Variants in RETREG3 observed in about 807,000 individuals in gnomAD.
RETREG3 encodes the protein reticulophagy regulator 3.
A neutral mutation model predicts 50.2 loss-of-function variants in RETREG3; 23 were observed. The observed-to-expected ratio is 0.46, with a 90% CI of 0.33 to 0.65. The LOEUF is 0.65. RETREG3 is among the 30% of genes least tolerant of loss of function. RETREG3 has a pLI of 0.02. For missense variants in RETREG3, 546 were observed against 598.0 expected (o/e 0.91, Z 0.91); for synonymous variants, 240 against 234.4 (o/e 1.02, Z -0.22).
chr17:42,589,633 C>T (rs371774437), intron 2 of RETREG3, among the ~76,000 whole-genome samples: 2 of 152,200 alleles, frequency 1.3e-5, no homozygotes, highest in African/African-American at 4.8e-5. Context: ...AAGGTTTCGC[C>T]ACGTTGTCCA....
At chr17:42,599,295 C>G (rs2093154100) in intron 1 of RETREG3, 2 of 152,134 alleles carry the variant, frequency 1.3e-5, no homozygotes, top group Admixed American at 6.6e-5. Flanking sequence ...TTCTGTTAAA[C>G]TGCTTTTATT....
Position 42,581,796 on chromosome 17 carries a change from CA to C in RETREG3, c.*16del. On this transcript the variant is annotated 3_prime_UTR_variant, in exon 9 of 9. Transcript: ENST00000309428. Reference sequence around the variant, plus strand: ...AAAAAACCTAAACCACAGTGACTCCCAAAAGGAGTCTCTGCCTCAGTGGCTC... The same window carrying C: ...AAAAAACCTAAACCACAGTGACTCCCAAAGGAGTCTCTGCCTCAGTGGCTC... 1.3e-6 allele frequency: 2 copies of C among 1,544,552 alleles called. No homozygotes were observed. Among genetic ancestry groups the C allele is most frequent in the Non-Finnish European group, 1.7e-6 (2 of 1,145,876 alleles).
chr17:42,601,490 G>A (rs1469512390), intron 1 of RETREG3, among the ~76,000 whole-genome samples: 4 of 136,084 alleles, frequency 2.9e-5, no homozygotes, highest in Admixed American at 7.3e-5. Flanking sequence ...GGAGAATGGC[G>A]TGAACCTGAG....
At chr17:42,595,136 T>C (rs990044651) in intron 1 of RETREG3, among the ~76,000 whole-genome samples, 1 of 151,090 alleles carries the variant, frequency 6.6e-6, no homozygotes, top group African/African-American at 2.4e-5. Context: ...CAGCTAATTT[T>C]TTTTGTATTT....
intron 1 of RETREG3, among the ~76,000 whole-genome samples, chr17:42,597,763 T>G (rs1189058424): frequency 6.7e-6 from 1 of 148,600 alleles, no homozygotes; most frequent in Non-Finnish European, 1.5e-5. Flanking sequence ...CCTGAGTAGC[T>G]GGGGTTAAGG....
chr17:42,594,721 G>C (rs192464560), intron 1 of RETREG3, among the ~76,000 whole-genome samples: 2,390 of 141,918 alleles, frequency 0.017, 68 homozygotes, highest in African/African-American at 0.059. Flanking sequence ...CATGGTGGCA[G>C]GTGCCTGTAG....
chr17:42,582,596 C>A (rs557935880), intron 8 of RETREG3, 78 bp downstream of exon 8: 3 of 1,573,436 alleles, frequency 1.9e-6, no homozygotes, highest in Admixed American at 1.7e-5. Flanking sequence ...GGGGCAAGCA[C>A]CAGTATCCCC....
Position 42,581,446 on chromosome 17 carries a change from G to A in RETREG3, c.*367C>T, listed in dbSNP as rs906603685. Reference sequence around the variant, plus strand: ...TCTAGAGAGGCGATGAAAGGAGGAAGGCAGGCATGGGCTCTTTCAGTGAGG... The same window carrying A: ...TCTAGAGAGGCGATGAAAGGAGGAAAGCAGGCATGGGCTCTTTCAGTGAGG... On this transcript the variant is annotated 3_prime_UTR_variant, in exon 9 of 9. Coordinates refer to ENST00000309428, the MANE Select transcript of RETREG3 (RefSeq NM_178126.4). 1.6e-5 allele frequency: 3 copies of A among 187,374 alleles called. No homozygotes were observed. The highest frequency in any genetic ancestry group is 3.3e-5 in the Non-Finnish European group (3 of 91,448). 11.6% of individuals were successfully genotyped at this position (187,374 alleles called of 1,614,324 possible). A position where few individuals can be genotyped will look rare whatever the true frequency, so the allele number is the denominator to read the frequency against.
At position 42,582,617 on chromosome 17, in the gene RETREG3, G is replaced by A; in HGVS notation, c.943+57C>T. On this transcript the variant is annotated intron_variant, in intron 8 of 8. Transcript: ENST00000309428. The stretch of plus-strand genomic sequence containing the variant: ...AGCACCAGTATCCCCTCTGTTCAGG[G>A]AAGCTAAGAGGCAACAGTCAGAGCC... 4 of 1,607,558 alleles carry A rather than the reference G, an allele frequency of 2.5e-6. No individual in the cohort carries two copies. In the South Asian group the frequency reaches 3.3e-5, roughly 13 times the overall value.
chr17:42,603,902 G>A (rs1026638764), intron 1 of RETREG3, among the ~76,000 whole-genome samples: 4 of 151,980 alleles, frequency 2.6e-5, no homozygotes, highest in Non-Finnish European at 5.9e-5. Context: ...GCGTGAACCC[G>A]GGAGGTGGAG....
chr17:42,609,117 G>C lies in RETREG3; in HGVS notation c.208C>G (p.Leu70Val), dbSNP rs753477926. The change falls in exon 1 of 9, where the codon CTG (leucine) becomes GTG (valine). Residue 70 changes from leucine to valine, a missense_variant. Transcript: ENST00000309428. ...GCCGCGTTCAGCCCCAGGCACCACA[G>C]AGCGCTCCTAGCTGGCCGCTCCCAC... ...LVWERPARSA[L>V]WCLGLNAAFW... 59 of 1,608,350 alleles carry C rather than the reference G, an allele frequency of 3.7e-5. 1 individual carries two copies. The South Asian group carries it at 6.2e-4, about 17-fold the overall frequency.
chr17:42,594,255 T>C lies in RETREG3; in HGVS notation c.240-2093A>G, dbSNP rs554913541. Among the ~76,000 whole-genome samples the C allele has an allele frequency of 2.0e-5, 3 of 152,220 alleles. No individual in the cohort carries two copies. The East Asian group carries it at 5.8e-4, about 30-fold the overall frequency. ...AGATTAGAACAGAATATAAATAGCATTTCACAGTATTCCGAAAAGACTAGG... is the reference window on the plus strand; with the variant it reads ...AGATTAGAACAGAATATAAATAGCACTTCACAGTATTCCGAAAAGACTAGG... On this transcript the variant is annotated intron_variant, in intron 1 of 8. Transcript: ENST00000309428.
At chr17:42,585,089 T>C (rs747083289) in intron 6 of RETREG3, 36 bp downstream of exon 6, 11 of 1,602,376 alleles carry the variant, frequency 6.9e-6, no homozygotes, top group Admixed American at 1.7e-5. Flanking sequence ...TCGCCCCAAA[T>C]TGCGTAAGTG....
chr17:42,596,963 C>A (rs1567924990), intron 1 of RETREG3, among the ~76,000 whole-genome samples: 1 of 151,078 alleles, frequency 6.6e-6, no homozygotes, highest in Non-Finnish European at 1.5e-5. Flanking sequence ...ACCTCTGCCT[C>A]CTGGGTTCAA....
intron 1 of RETREG3, 123 bp from the exon 2 acceptor site, chr17:42,592,285 C>G (rs771507376): frequency 1.3e-5 from 9 of 690,642 alleles, no homozygotes; most frequent in Non-Finnish European, 1.9e-5. Flanking sequence ...TTTGTTCTGA[C>G]ACTTAACTAG....
At chr17:42,601,628 C>CTTT (rs750926453) in intron 1 of RETREG3, among the ~76,000 whole-genome samples, 43 of 79,804 alleles carry the variant, frequency 5.4e-4, no homozygotes, top group East Asian at 1.3e-3. Flanking sequence ...AAGGTTCCAA[C>CTTT]TTTTTTTTTT....
At chr17:42,583,641 C>CTTT (rs2093114911) in intron 6 of RETREG3, 61 bp from the exon 7 acceptor site, 2 of 1,488,376 alleles carry the variant, frequency 1.3e-6, no homozygotes, top group South Asian at 2.4e-5. Flanking sequence ...CCCCTTTGGA[C>CTTT]TTTAAAGACA....
chr17:42,598,058 T>C (rs2093151486), intron 1 of RETREG3, among the ~76,000 whole-genome samples: 2 of 143,706 alleles, frequency 1.4e-5, no homozygotes, highest in African/African-American at 5.2e-5. Flanking sequence ...CTCGGCTCAC[T>C]GCAAGCTCCA....
intron 1 of RETREG3, chr17:42,599,000 A>T (rs1301815775): frequency 6.6e-6 from 1 of 151,732 alleles, no homozygotes; most frequent in Non-Finnish European, 1.5e-5. Context: ...TTCTTAGGAG[A>T]GCTTAATATC....
Sources: allele counts gnomAD v4.1 joint callset (sites outside exome capture counted in the v4.1 genomes callset), GRCh38; gene constraint gnomAD v4.1.1; transcripts MANE v1.5; gene names NCBI Gene and HGNC (gene_info 2026-07-23, HGNC 2026-07-21).